The following GLOD5 variants were observed in gnomAD, a reference collection of about 807,000 sequenced individuals.
The protein encoded by GLOD5 is glyoxalase domain-containing protein 5.
A neutral mutation model predicts 9.9 loss-of-function variants in GLOD5; 7 were observed. That is an observed-to-expected ratio of 0.71 (90% CI 0.40 to 1.33). The LOEUF is 1.33. Ranked by LOEUF, GLOD5 falls within the 40% of genes most tolerant of loss-of-function variation. The probability of loss-of-function intolerance (pLI) is 0.01; values close to 1 mark genes in which losing one functional copy is unlikely to be tolerated. For synonymous variants in GLOD5, 49 were observed against 47.3 expected, an observed-to-expected ratio of 1.04 and a Z score of -0.14; for missense variants, 146 against 128.4, an observed-to-expected ratio of 1.14 and a Z score of -0.66.
At chrX:48,772,548 TAAATA>T (rs1459534272) in intron 3 of GLOD5, among the ~76,000 whole-genome samples, 1 of 110,945 alleles carries the variant, frequency 9.0e-6, no homozygotes, top group Admixed American at 9.7e-5. Flanking sequence ...CTACAATAAA[TAAATA>T]AAAGGGGTTT....
At chrX:48,762,134 G>T (rs1557016094) in intron 1 of GLOD5, among the ~76,000 whole-genome samples, 1 of 110,924 alleles carries the variant, frequency 9.0e-6, no homozygotes, top group East Asian at 2.9e-4. Context: ...CTCACGCAGG[G>T]TGCCCCCAAA....
intron 1 of GLOD5, among the ~76,000 whole-genome samples, chrX:48,764,733 C>T (rs1557016382): frequency 9.2e-6 from 1 of 108,943 alleles, no homozygotes; most frequent in Non-Finnish European, 1.9e-5. Flanking sequence ...TTTGTAGATA[C>T]AGGGTCTCAC....
At position 48,773,455 on chromosome X, in the gene GLOD5, A is replaced by G. The variant is rs182863517; in HGVS notation, c.*20A>G. On this transcript the variant is annotated 3_prime_UTR_variant, in exon 4 of 4. Transcript: ENST00000303227. ...TCGTGATGGAGGCTGGACCTCCTCCATTCTGTCCCCCTTGATGTCGCCCTC... is the reference window on the plus strand; with the variant it reads ...TCGTGATGGAGGCTGGACCTCCTCCGTTCTGTCCCCCTTGATGTCGCCCTC... 1.6e-3 allele frequency: 1,903 copies of G among 1,200,501 alleles called. 2 individuals are homozygous for G. The highest frequency in any genetic ancestry group is 6.5e-3 in the Middle Eastern group (28 of 4,318).
chrX:48,766,234 G>A, intron 2 of GLOD5: 1 of 290,496 alleles, frequency 3.4e-6, no homozygotes, highest in Non-Finnish European at 6.1e-6. Context: ...CCAGCATGTT[G>A]ACACTTAACA....
chrX:48,762,734 G>A (rs1602204620), intron 1 of GLOD5, among the ~76,000 whole-genome samples: 1 of 111,540 alleles, frequency 9.0e-6, no homozygotes, highest in Non-Finnish European at 1.9e-5. Context: ...ACTGCACCCA[G>A]TCCTTTGTGT....
intron 3 of GLOD5, among the ~76,000 whole-genome samples, chrX:48,772,303 A>T (rs782434165): frequency 9.1e-6 from 1 of 110,485 alleles, no homozygotes; most frequent in South Asian, 3.9e-4. Context: ...TAGGAGGCCA[A>T]GGAGGGAGGA....
intron 1 of GLOD5, among the ~76,000 whole-genome samples, 190 bp downstream of exon 1, chrX:48,762,043 A>G (rs1306444873): frequency 9.0e-6 from 1 of 111,200 alleles, no homozygotes; most frequent in Non-Finnish European, 1.9e-5. Flanking sequence ...CCCTGTGCTC[A>G]GGTGTGCAGG....
chrX:48,773,311 C>T lies in GLOD5; in HGVS notation c.359C>T (p.Ala120Val), dbSNP rs782500945. 1 of 1,208,428 alleles carries T rather than the reference C, an allele frequency of 8.3e-7. No individual in the cohort carries two copies. Among genetic ancestry groups the T allele is most frequent in the South Asian group, 1.8e-5 (1 of 56,722 alleles). ...PLEEMIQHLKACDVPIEEGPV... is the reference protein window; with the variant it reads ...PLEEMIQHLKVCDVPIEEGPV... ...TTTTGTCTTTTCTTCCCACTTCAGG[C>T]TTGTGATGTCCCTATTGAGGAGGGG... The change falls in exon 4 of 4, where the codon GCT becomes GTT. Residue 120 changes from alanine to valine, a missense_variant and splice_region_variant. Physicochemically the swap from Ala to Val is moderately conservative, Grantham distance 64 (BLOSUM62 0). Transcript: ENST00000303227.
intron 1 of GLOD5, chrX:48,765,594 A>AG (rs782565618): frequency 8.0e-6 from 3 of 376,014 alleles, no homozygotes; most frequent in Non-Finnish European, 1.4e-5. Flanking sequence ...AAAAAAAAAA[A>AG]AAAAAAAAGA....
Position 48,773,563 on chromosome X carries a change from G to T in GLOD5, c.*128G>T. On this transcript the variant is annotated 3_prime_UTR_variant, in exon 4 of 4. Transcript: ENST00000303227. The stretch of plus-strand genomic sequence containing the variant: ...TAGGCACTTCACACATCCTGCTGAG[G>T]GGGGACCCAAGACAGGTTTGGGACC... The T allele has an allele frequency of 2.6e-6, 2 of 759,543 alleles. No individual in the cohort carries two copies. Among genetic ancestry groups the T allele is most frequent in the Admixed American group, 6.2e-5 (2 of 32,281 alleles). The allele number at this position is 759,543 out of a possible 1,213,427, so 62.6% of individuals were successfully genotyped here.
chrX:48,769,812 T>C (rs1557017139), intron 2 of GLOD5, among the ~76,000 whole-genome samples: 1 of 103,230 alleles, frequency 9.7e-6, no homozygotes, highest in Non-Finnish European at 2.0e-5. Context: ...ACCCGGTCTC[T>C]ACAAAAAATA....
At chrX:48,772,815 T>C (rs908449795) in intron 3 of GLOD5, among the ~76,000 whole-genome samples, 5 of 110,158 alleles carry the variant, frequency 4.5e-5, no homozygotes, top group African/African-American at 1.7e-4. Context: ...ACAGGGTAGT[T>C]AGGTACTGTG....
At chrX:48,766,257 A>G (rs782717445) in intron 2 of GLOD5, 8 of 233,141 alleles carry the variant, frequency 3.4e-5, no homozygotes, top group Non-Finnish European at 6.1e-5. Flanking sequence ...GATCCTTCTA[A>G]AATTATAGAA....
At chrX:48,771,125 G>C in intron 3 of GLOD5, 43 bp downstream of exon 3, 1 of 1,079,574 alleles carries the variant, frequency 9.3e-7, no homozygotes, top group Non-Finnish European at 1.2e-6. Flanking sequence ...TGCTGCAAAC[G>C]CAGTGAAAAC....
intron 1 of GLOD5, chrX:48,765,556 C>A (rs1356865312): frequency 2.1e-5 from 6 of 287,983 alleles, no homozygotes; most frequent in Non-Finnish European, 1.2e-5. Context: ...CCAGCCTGGG[C>A]AACAGAGTGA....
At chrX:48,764,805 A>C (rs1005046582) in intron 1 of GLOD5, among the ~76,000 whole-genome samples, 2 of 111,138 alleles carry the variant, frequency 1.8e-5, no homozygotes, top group African/African-American at 6.5e-5. Flanking sequence ...TCAGCCTTCC[A>C]AAGTGCTGAG....
In GLOD5 at chrX:48,771,010, C is replaced by T; in HGVS notation, c.285C>T (p.His95=). Residue 95 remains histidine (H), a synonymous_variant, in exon 3 of 4, where the codon CAC becomes CAT. Coordinates refer to ENST00000303227, the MANE Select transcript of GLOD5 (RefSeq NM_001080489.3). ...AGGAATTTGAACCCAAAGCCGCTCA[C>T]CCAGTTCCTGGCTCCCTGGACATAT... ...VGKEFEPKAA[H]PVPGSLDICL... is the part of the protein sequence containing the mutation. 1 of 1,204,599 alleles carries T rather than the reference C, an allele frequency of 8.3e-7. No individual in the cohort carries two copies. The highest frequency in any genetic ancestry group is 2.2e-5 in the Admixed American group (1 of 45,421).
At chrX:48,772,193 C>T (rs782652084) in intron 3 of GLOD5, among the ~76,000 whole-genome samples, 8 of 110,315 alleles carry the variant, frequency 7.3e-5, no homozygotes, top group Non-Finnish European at 1.5e-4. Context: ...GCTATGATCA[C>T]GCCACTGCAC....
intron 1 of GLOD5, among the ~76,000 whole-genome samples, 172 bp downstream of exon 1, chrX:48,762,025 A>C (rs2062597603): frequency 9.0e-6 from 1 of 110,993 alleles, no homozygotes; most frequent in Non-Finnish European, 1.9e-5. Context: ...GCTCTAAGCC[A>C]TGGAGGGCCC....
Sources: gnomAD v4.1 joint callset for allele counts (sites outside exome capture counted in the v4.1 genomes callset) on GRCh38, gnomAD v4.1.1 for gene constraint, MANE v1.5 for transcripts, NCBI Gene and HGNC (gene_info 2026-07-23, HGNC 2026-07-21) for gene names.